Variants in WDPCP observed in about 807,000 individuals in gnomAD.
The protein encoded by WDPCP is WD repeat containing planar cell polarity effector.
Under a neutral mutation model 93.1 loss-of-function variants are expected in WDPCP, and 71 were observed. The observed-to-expected ratio is 0.76, with a 90% CI of 0.63 to 0.93. The LOEUF (loss-of-function observed/expected upper bound fraction) is 0.93, where lower values mean the gene tolerates loss of function less well. Ranked by LOEUF, WDPCP falls within the 40% of genes least tolerant of loss-of-function variation. WDPCP has a pLI of 0.00. For synonymous variants in WDPCP, 315 were observed against 315.0 expected (o/e 1.00, Z 0.00); for missense variants, 844 against 887.4 (o/e 0.95, Z 0.62).
intron 2 of WDPCP, among the ~76,000 whole-genome samples, chr2:63,712,411 G>A (rs374096985): frequency 6.6e-6 from 1 of 152,198 alleles, no homozygotes. Context: ...ACTGAAAGAC[G>A]AATATCAACT....
chr2:63,828,522 C>T (rs1165964445), upstream of WDPCP, among the ~76,000 whole-genome samples: 1 of 152,086 alleles, frequency 6.6e-6, no homozygotes, highest in African/African-American at 2.4e-5. Flanking sequence ...TAGAACGGTG[C>T]CTAAGGCTCA....
rs1690541507 is a variant in WDPCP, at chr2:63,362,281, GTGTGT to G, written c.1748+16100_1748+16104del. 1.5e-4 allele frequency among the ~76,000 whole-genome samples: 15 copies of G among 103,314 alleles called. No homozygotes were observed. In the East Asian group the frequency reaches 5.4e-3, roughly 37 times the overall value. The allele number at this position is 103,314 out of a possible 152,430, so 67.8% of individuals were successfully genotyped here. On this transcript the variant is annotated intron_variant, in intron 12 of 17. Coordinates refer to ENST00000272321, the MANE Select transcript of WDPCP (RefSeq NM_015910.7). ...CCCTTTTTTTTTTTTTTTTGGTTGT[GTGTGT>G]GTGTGTGTGTGTGTGTAGAAAGGAA...
At chr2:63,827,002 T>C (rs982104536) in intron 1 of WDPCP, among the ~76,000 whole-genome samples, 1 of 152,186 alleles carries the variant, frequency 6.6e-6, no homozygotes, top group Admixed American at 6.5e-5. Flanking sequence ...CTTCTAAAAA[T>C]GCAAATGTAA....
intron 2 of WDPCP, among the ~76,000 whole-genome samples, chr2:63,806,268 C>CG (rs971541414): frequency 3.3e-5 from 5 of 151,936 alleles, no homozygotes; most frequent in Admixed American, 6.6e-5. Flanking sequence ...GCCAGGCGTC[C>CG]GGGGGGGACA....
intron 13 of WDPCP, 123 bp from the exon 14 acceptor site, chr2:63,259,532 T>C (rs1236204883): frequency 3.5e-6 from 3 of 856,676 alleles, no homozygotes; most frequent in Non-Finnish European, 5.5e-6. Context: ...AATATTCTTT[T>C]CTGTGTTTTA....
intron 10 of WDPCP, among the ~76,000 whole-genome samples, chr2:63,393,582 C>G (rs1693464954): frequency 1.3e-5 from 2 of 150,992 alleles, no homozygotes; most frequent in Admixed American, 1.3e-4. Flanking sequence ...ATTTAAAATT[C>G]ATATGGAACC....
intron 10 of WDPCP, among the ~76,000 whole-genome samples, chr2:63,388,868 G>A (rs1414144465): frequency 6.6e-6 from 1 of 152,046 alleles, no homozygotes. Flanking sequence ...AAAAAGAAAC[G>A]AATAAAGACT....
intron 17 of WDPCP, among the ~76,000 whole-genome samples, chr2:63,126,253 G>A (rs1226777132): frequency 6.6e-6 from 1 of 152,066 alleles, no homozygotes; most frequent in East Asian, 1.9e-4. Flanking sequence ...ATTCTTGAGT[G>A]TGAATATAGA....
intron 1 of WDPCP, among the ~76,000 whole-genome samples, chr2:63,570,617 C>T (rs1707414223): frequency 2.0e-5 from 3 of 152,222 alleles, no homozygotes; most frequent in South Asian, 4.1e-4. Context: ...ATCATGTTTA[C>T]AGGGGAGAAA....
At chr2:63,195,901 T>C (rs1181074350) in intron 14 of WDPCP, among the ~76,000 whole-genome samples, 3 of 152,200 alleles carry the variant, frequency 2.0e-5, no homozygotes, top group Non-Finnish European at 4.4e-5. Context: ...CATTAAGTCA[T>C]AATAGCATCA....
chr2:63,682,516 C>T (rs1480383773), intron 2 of WDPCP, among the ~76,000 whole-genome samples: 1 of 151,160 alleles, frequency 6.6e-6, no homozygotes, highest in Non-Finnish European at 1.5e-5. Flanking sequence ...GAATAAAAAA[C>T]AATGAAGCAT....
At position 63,575,414 on chromosome 2, in the gene WDPCP, ATACAC is replaced by A. The variant is rs1707904392; in HGVS notation, c.75+12778_75+12782del. On this transcript the variant is annotated intron_variant, in intron 1 of 17. Coordinates refer to ENST00000272321, the MANE Select transcript of WDPCP (RefSeq NM_015910.7). ...GGTATATACAGTATATATACAGTAT[ATACAC>A]TGTATACAGTGTATATACAGTGTAT... Among the ~76,000 whole-genome samples, 4 of 118,756 alleles carry A rather than the reference ATACAC, an allele frequency of 3.4e-5. 2 individuals carry two copies. Among genetic ancestry groups the A allele is most frequent in the African/African-American group, 1.8e-4 (4 of 22,074 alleles). 77.9% of individuals were successfully genotyped at this position (118,756 alleles called of 152,430 possible).
At chr2:63,285,340 G>A (rs1388081900) in intron 13 of WDPCP, among the ~76,000 whole-genome samples, 2 of 151,816 alleles carry the variant, frequency 1.3e-5, no homozygotes, top group African/African-American at 2.4e-5. Context: ...AGGCTGAGGC[G>A]GGAGAATGGT....
chr2:63,145,281 T>C (rs1422522543), intron 17 of WDPCP, among the ~76,000 whole-genome samples: 2 of 151,328 alleles, frequency 1.3e-5, no homozygotes, highest in African/African-American at 2.4e-5. Flanking sequence ...TGTAGTAATA[T>C]AGAGAGGGAC....
At chr2:63,418,111 A>T (rs1458068751) in intron 9 of WDPCP, among the ~76,000 whole-genome samples, 4 of 152,210 alleles carry the variant, frequency 2.6e-5, no homozygotes, top group Non-Finnish European at 1.5e-5. Context: ...CCTTGCAAAT[A>T]AGAAGGTGAA....
At chr2:63,674,713 G>A (rs1239150557) in intron 2 of WDPCP, among the ~76,000 whole-genome samples, 2 of 78,088 alleles carry the variant, frequency 2.6e-5, no homozygotes, top group African/African-American at 4.6e-5. Context: ...TGTTCTTGAC[G>A]CTACAAAAAA....
chr2:63,394,565 C>T (rs1693555543), intron 10 of WDPCP, among the ~76,000 whole-genome samples: 1 of 152,092 alleles, frequency 6.6e-6, no homozygotes, highest in African/African-American at 2.4e-5. Flanking sequence ...ATAAATTGTT[C>T]TACTATAAAG....
intron 14 of WDPCP, among the ~76,000 whole-genome samples, chr2:63,177,528 C>G (rs1420373455): frequency 6.6e-6 from 1 of 152,128 alleles, no homozygotes; most frequent in Non-Finnish European, 1.5e-5. Flanking sequence ...CTGTCCTTTG[C>G]AGATTGCTCA....
intron 6 of WDPCP, among the ~76,000 whole-genome samples, chr2:63,480,805 C>A (rs1249050914): frequency 6.6e-6 from 1 of 152,068 alleles, no homozygotes; most frequent in Non-Finnish European, 1.5e-5. Flanking sequence ...ATTGGAAGAA[C>A]CCCTCTAGAC....
Sources: gnomAD v4.1 joint callset for allele counts (sites outside exome capture counted in the v4.1 genomes callset) on GRCh38, gnomAD v4.1.1 for gene constraint, MANE v1.5 for transcripts, NCBI Gene and HGNC (gene_info 2026-07-23, HGNC 2026-07-21) for gene names.